Variants in EML1 observed in about 807,000 individuals in gnomAD.
EML1 encodes the protein EMAP like 1, also known as echinoderm microtubule-associated protein-like 1.
In EML1, 27 loss-of-function variants were observed where a neutral mutation model predicts 110.4. That is an observed-to-expected ratio of 0.24 (90% CI 0.18 to 0.34). EML1 has a LOEUF of 0.34. Among genes scored for constraint, EML1 ranks in the 10% least tolerant of loss-of-function variants. The pLI, the probability that EML1 is intolerant of heterozygous loss-of-function variation, is 1.00. For missense variants in EML1, 741 were observed against 1,030.9 expected (o/e 0.72, Z 3.85); for synonymous variants, 344 against 385.8 (o/e 0.89, Z 1.27).
intron 1 of EML1, among the ~76,000 whole-genome samples, chr14:99,821,065 C>T (rs1219058429): frequency 6.7e-6 from 1 of 150,078 alleles, no homozygotes; most frequent in Non-Finnish European, 1.5e-5. Context: ...TTGCTCTGCC[C>T]AGGCTAGAGT....
intron 1 of EML1, among the ~76,000 whole-genome samples, chr14:99,837,737 T>G (rs966401852): frequency 5.3e-5 from 8 of 152,240 alleles, no homozygotes; most frequent in African/African-American, 1.9e-4. Context: ...CTTGGAAAAC[T>G]AGGTTTCTGG....
rs1555402395 is a variant in EML1, at chr14:99,900,883, T to C, written c.898-46T>C. Reference sequence around the variant, plus strand: ...TGTAGCTTCAAGGTAAAGACACATGTGTATCACCATCACAATTGATGGCTC... The same window carrying C: ...TGTAGCTTCAAGGTAAAGACACATGCGTATCACCATCACAATTGATGGCTC... On this transcript the variant is annotated intron_variant, in intron 8 of 21. Coordinates refer to ENST00000262233, the MANE Select transcript of EML1 (RefSeq NM_004434.3). The C allele has an allele frequency of 2.7e-6, 4 of 1,500,828 alleles. No individual in the cohort carries two copies. In the South Asian group the frequency reaches 4.5e-5, roughly 17 times the overall value. 93.0% of individuals were successfully genotyped at this position (1,500,828 alleles called of 1,614,324 possible).
chr14:99,798,685 C>A (rs899968140), intron 1 of EML1, among the ~76,000 whole-genome samples: 7 of 152,170 alleles, frequency 4.6e-5, no homozygotes, highest in African/African-American at 1.7e-4. Context: ...AGCCACTGTA[C>A]CTGGCCTATA....
At chr14:99,889,735 T>C (rs2059554243) in intron 4 of EML1, among the ~76,000 whole-genome samples, 1 of 152,110 alleles carries the variant, frequency 6.6e-6, no homozygotes, top group South Asian at 2.1e-4. Context: ...GGAGATGAGC[T>C]CTGAAGAATA....
intron 1 of EML1, chr14:99,838,918 C>CGCGCGCGT (rs3071409): frequency 5.9e-5 from 2 of 33,614 alleles, no homozygotes; most frequent in African/African-American, 1.7e-4. Context: ...CGCGCGCGCG[C>CGCGCGCGT]GTGTGTGTGT....
chr14:99,853,375 T>G (rs2058845201), intron 2 of EML1, among the ~76,000 whole-genome samples: 1 of 151,310 alleles, frequency 6.6e-6, no homozygotes, highest in African/African-American at 2.4e-5. Context: ...GGCGTGCCCG[T>G]GGGAGGGGCA....
At chr14:99,772,952 A>G (rs2057441900) in exon 1 of EML1, 1 of 152,138 alleles carries the variant, frequency 6.6e-6, no homozygotes, top group East Asian at 1.9e-4. Flanking sequence ...TTCCCTGTCC[A>G]TGGCTTAGAA....
At chr14:99,841,404 T>C (rs2058630811) in intron 1 of EML1, among the ~76,000 whole-genome samples, 1 of 152,150 alleles carries the variant, frequency 6.6e-6, no homozygotes. Context: ...TATTAGAAGT[T>C]TCATACACGC....
chr14:99,912,775 A>C (rs2059966608), intron 13 of EML1, among the ~76,000 whole-genome samples: 2 of 152,248 alleles, frequency 1.3e-5, no homozygotes, highest in African/African-American at 4.8e-5. Context: ...AAGTCATATT[A>C]TAACTGTAAA....
At chr14:99,923,508 T>C (rs2060166176) in intron 17 of EML1, among the ~76,000 whole-genome samples, 1 of 53,914 alleles carries the variant, frequency 1.9e-5, no homozygotes, top group Admixed American at 1.7e-4. Flanking sequence ...TTGCTCTGCA[T>C]AGAGGTATCT....
At chr14:99,830,291 T>A (rs2058427837) in intron 1 of EML1, among the ~76,000 whole-genome samples, 1 of 152,206 alleles carries the variant, frequency 6.6e-6, no homozygotes, top group African/African-American at 2.4e-5. Flanking sequence ...TTGTATATCT[T>A]CTTAGAGAAA....
rs546346811 is a variant in EML1 at position 99,812,338 on chromosome 14, C to T, written c.67+18795C>T. The stretch of plus-strand genomic sequence containing the variant: ...TCATGAGGCTGTCTCTCTGTGATAA[C>T]GAAACAGCTGGACATACACTGAGAA... On this transcript the variant is annotated intron_variant, in intron 1 of 21. Transcript: ENST00000262233. Among the ~76,000 whole-genome samples the T allele has an allele frequency of 3.3e-5, 5 of 151,910 alleles. 1 individual carries two copies. The highest frequency in any genetic ancestry group is 1.3e-4 in the Admixed American group (2 of 15,256).
intron 1 of EML1, among the ~76,000 whole-genome samples, chr14:99,757,699 G>T (rs2057272615): frequency 6.6e-6 from 1 of 152,176 alleles, no homozygotes; most frequent in Admixed American, 6.5e-5. Flanking sequence ...ATTTTAATTG[G>T]GTTGTGACTA....
intron 9 of EML1, chr14:99,906,999 C>T (rs943887598): frequency 6.6e-6 from 1 of 152,462 alleles, no homozygotes; most frequent in African/African-American, 2.4e-5. Flanking sequence ...GCTAACAGCC[C>T]CTGTGCCATG....
At chr14:99,790,866 C>CTTTTTTTT (rs58349128), upstream of EML1, among the ~76,000 whole-genome samples, 145 of 142,762 alleles carry the variant, frequency 1.0e-3, 1 homozygote, top group Non-Finnish European at 1.7e-3. Flanking sequence ...TTTTCTTTTC[C>CTTTTTTTT]TTTTTTTTTG....
intron 5 of EML1, among the ~76,000 whole-genome samples, chr14:99,893,260 G>A (rs1270360787): frequency 7.0e-5 from 2 of 28,548 alleles, no homozygotes; most frequent in African/African-American, 1.5e-4. Flanking sequence ...GAAGGGCTCC[G>A]TAAACCTGGT....
intron 1 of EML1, among the ~76,000 whole-genome samples, chr14:99,777,635 G>T (rs2057497451): frequency 6.6e-6 from 1 of 152,086 alleles, no homozygotes; most frequent in Admixed American, 6.5e-5. Flanking sequence ...GGCCAGGCTT[G>T]TCTCAAACTC....
In EML1 at chr14:99,901,055, G is replaced by A. The variant is rs757511802; in HGVS notation, c.1008+16G>A. 2.4e-5 allele frequency: 38 copies of A among 1,600,748 alleles called. No individual in the cohort carries two copies. Among genetic ancestry groups the A allele is most frequent in the Non-Finnish European group, 3.1e-5 (36 of 1,168,044 alleles). ...CTCAAAATCTGTAAGTATGTGCCCTGTGGATATTGCTGTCTTCTTCCACAG... is the reference window on the plus strand; with the variant it reads ...CTCAAAATCTGTAAGTATGTGCCCTATGGATATTGCTGTCTTCTTCCACAG... On this transcript the variant is annotated intron_variant, in intron 9 of 21. Coordinates refer to ENST00000262233, the MANE Select transcript of EML1 (RefSeq NM_004434.3).
intron 1 of EML1, among the ~76,000 whole-genome samples, chr14:99,806,020 A>G (rs980280238): frequency 2.6e-5 from 4 of 152,158 alleles, no homozygotes; most frequent in African/African-American, 7.2e-5. Context: ...GTCTCTGTGC[A>G]TTTGACTACT....
Sources: gnomAD v4.1 joint callset for allele counts (sites outside exome capture counted in the v4.1 genomes callset) on GRCh38, gnomAD v4.1.1 for gene constraint, MANE v1.5 for transcripts, NCBI Gene and HGNC (gene_info 2026-07-23, HGNC 2026-07-21) for gene names.